Variants in ADK observed in about 807,000 individuals in gnomAD.
ADK encodes the protein N6,N6-dimethyladenosine kinase.
A neutral mutation model predicts 44.7 loss-of-function variants in ADK; 24 were observed. That is an observed-to-expected ratio of 0.54 (90% CI 0.39 to 0.76). ADK has a LOEUF of 0.76. Among genes scored for constraint, ADK ranks in the 30% least tolerant of loss-of-function variants. The pLI is 0.00. For missense variants in ADK, 321 were observed against 425.1 expected (o/e 0.76, Z 2.15); for synonymous variants, 128 against 142.6 (o/e 0.90, Z 0.73).
intron 6 of ADK, among the ~76,000 whole-genome samples, chr10:74,463,699 G>T: frequency 6.6e-6 from 1 of 152,152 alleles, no homozygotes; most frequent in Middle Eastern, 3.2e-3. Flanking sequence ...TTGTGTCATT[G>T]AATTTCTTTT....
At chr10:74,540,006 G>A (rs1156770378) in intron 7 of ADK, among the ~76,000 whole-genome samples, 1 of 152,140 alleles carries the variant, frequency 6.6e-6, no homozygotes, top group Non-Finnish European at 1.5e-5. Flanking sequence ...TTTCTACATA[G>A]CTCTCTCCTT....
intron 8 of ADK, among the ~76,000 whole-genome samples, chr10:74,596,294 G>T (rs2133948743): frequency 6.6e-6 from 1 of 152,240 alleles, no homozygotes; most frequent in South Asian, 2.1e-4. Context: ...ATTACTTAAC[G>T]TCTCTGACTC....
chr10:74,587,912 A>G (rs1217554048), intron 7 of ADK, among the ~76,000 whole-genome samples: 1 of 152,160 alleles, frequency 6.6e-6, no homozygotes, highest in Non-Finnish European at 1.5e-5. Context: ...CTTAGGGTAT[A>G]TAATAATCAT....
At chr10:74,534,824 G>C (rs1436250443) in intron 7 of ADK, among the ~76,000 whole-genome samples, 1 of 152,196 alleles carries the variant, frequency 6.6e-6, no homozygotes, top group Non-Finnish European at 1.5e-5. Context: ...AAAACTCACA[G>C]CTATTGGGCT....
chr10:74,708,315 T>C lies in ADK; in HGVS notation c.965-6T>C. ...ACTCATGTGTTTTTTTTTGCCTGTG[T>C]TCTAGGTTTTCTGTCTCAACTGGTC... On this transcript the variant is annotated splice_region_variant and splice_polypyrimidine_tract_variant and intron_variant, in intron 10 of 10. Transcript: ENST00000539909. The C allele has an allele frequency of 3.7e-6, 6 of 1,609,872 alleles. No individual in the cohort carries two copies. Among genetic ancestry groups the C allele is most frequent in the Non-Finnish European group, 5.1e-6 (6 of 1,178,928 alleles).
chr10:74,232,758 T>G (rs1844822552), intron 3 of ADK, among the ~76,000 whole-genome samples: 1 of 152,226 alleles, frequency 6.6e-6, no homozygotes, highest in African/African-American at 2.4e-5. Flanking sequence ...CCCAAGTAGC[T>G]GGGACTATAG....
intron 6 of ADK, among the ~76,000 whole-genome samples, chr10:74,438,356 C>T (rs1845260815): frequency 6.6e-6 from 1 of 151,736 alleles, no homozygotes; most frequent in African/African-American, 2.4e-5. Flanking sequence ...TCCCAAGTAG[C>T]TGGGATTACA....
intron 7 of ADK, among the ~76,000 whole-genome samples, chr10:74,574,596 T>G (rs772275538): frequency 6.6e-6 from 1 of 152,220 alleles, no homozygotes; most frequent in Non-Finnish European, 1.5e-5. Flanking sequence ...CAACTGTAAT[T>G]AAAGATTTAA....
intron 4 of ADK, among the ~76,000 whole-genome samples, chr10:74,336,216 T>TTATTGTTTTTTGC (rs909411646): frequency 6.6e-6 from 1 of 152,148 alleles, no homozygotes; most frequent in Non-Finnish European, 1.5e-5. Context: ...GAGTTTTTGA[T>TTATTGTTTTTTGC]TATTGTTTTT....
At chr10:74,238,885 C>T (rs576427854) in intron 3 of ADK, among the ~76,000 whole-genome samples, 3 of 73,668 alleles carry the variant, frequency 4.1e-5, no homozygotes, top group East Asian at 3.3e-4. Flanking sequence ...TTTTTTAAGA[C>T]GGAGTCTCGC....
chr10:74,664,042 A>G (rs958528908), intron 9 of ADK, among the ~76,000 whole-genome samples: 8 of 152,182 alleles, frequency 5.3e-5, no homozygotes, highest in Admixed American at 1.3e-4. Flanking sequence ...TTATTGACCT[A>G]TGAAGCAAAA....
chr10:74,535,361 G>A (rs907160392), intron 7 of ADK, among the ~76,000 whole-genome samples: 1 of 152,076 alleles, frequency 6.6e-6, no homozygotes, highest in Non-Finnish European at 1.5e-5. Context: ...TATTCGGGAG[G>A]CTAAGGTGGG....
chr10:74,502,807 C>T lies in ADK; in HGVS notation c.556-22449C>T, dbSNP rs892175000. On this transcript the variant is annotated intron_variant, in intron 6 of 10. Coordinates refer to ENST00000539909, the MANE Select transcript of ADK (RefSeq NM_006721.4). The stretch of plus-strand genomic sequence containing the variant: ...CCCCCTGGAAATTGGGTGTTATACT[C>T]AAATGTAAAGGACTTGTATTGATTT... Among the ~76,000 whole-genome samples, 3 of 152,128 alleles carry T rather than the reference C, an allele frequency of 2.0e-5. 1 individual carries two copies. In the South Asian group the frequency reaches 6.2e-4, roughly 32 times the overall value.
At chr10:74,216,194 T>G (rs11599320) in intron 2 of ADK, among the ~76,000 whole-genome samples, 80,377 of 151,916 alleles carry the variant, frequency 0.53, 22,368 homozygotes, top group Non-Finnish European at 0.62. Context: ...AGTATATTTT[T>G]ATGCATTACA....
chr10:74,694,146 C>CTTTTTTTTTTTTTTTTT (rs1266786094), intron 10 of ADK, among the ~76,000 whole-genome samples: 21 of 36,296 alleles, frequency 5.8e-4, no homozygotes, highest in Non-Finnish European at 9.1e-4. Flanking sequence ...TTTTCAAACA[C>CTTTTTTTTTTTTTTTTT]ATTTTTTTTT....
intron 6 of ADK, among the ~76,000 whole-genome samples, chr10:74,416,157 G>T (rs1844367447): frequency 6.6e-6 from 1 of 151,564 alleles, no homozygotes; most frequent in South Asian, 2.1e-4. Flanking sequence ...CATGGTACGT[G>T]AAGCTTAAAA....
chr10:74,563,866 G>A (rs950575488), intron 7 of ADK, among the ~76,000 whole-genome samples: 1 of 151,980 alleles, frequency 6.6e-6, no homozygotes, highest in African/African-American at 2.4e-5. Flanking sequence ...TGGTGACTGC[G>A]TCTTTGGCTT....
intron 4 of ADK, among the ~76,000 whole-genome samples, chr10:74,349,284 T>G (rs1841879049): frequency 6.6e-6 from 1 of 152,214 alleles, no homozygotes; most frequent in African/African-American, 2.4e-5. Flanking sequence ...AAAAGAATTT[T>G]CAACCCAGAA....
chr10:74,314,162 A>T (rs888185609), intron 3 of ADK, among the ~76,000 whole-genome samples: 7 of 152,058 alleles, frequency 4.6e-5, no homozygotes, highest in Non-Finnish European at 1.0e-4. Flanking sequence ...CATATACTTC[A>T]TCTCTTTTGA....
Sources: gnomAD v4.1 joint callset for allele counts (sites outside exome capture counted in the v4.1 genomes callset) on GRCh38, gnomAD v4.1.1 for gene constraint, MANE v1.5 for transcripts, NCBI Gene and HGNC (gene_info 2026-07-23, HGNC 2026-07-21) for gene names.